MLLT3: variants seen among roughly 807,000 people sequenced by gnomAD.
The protein encoded by MLLT3 is MLLT3 super elongation complex subunit.
MLLT3 carries 4 observed loss-of-function variants against 53.2 expected under a neutral mutation model. The observed-to-expected ratio is 0.08, with a 90% CI of 0.04 to 0.17. The LOEUF is 0.17. MLLT3 is among the 10% of genes least tolerant of loss of function. The pLI is 1.00. For synonymous variants in MLLT3, 283 were observed against 230.6 expected (o/e 1.23, Z -2.06); for missense variants, 569 against 684.0 (o/e 0.83, Z 1.87).
chr9:20,369,745 C>T (rs1563939782), intron 5 of MLLT3, among the ~76,000 whole-genome samples: 1 of 152,258 alleles, frequency 6.6e-6, no homozygotes, highest in East Asian at 1.9e-4. Context: ...AAGAAGGTCA[C>T]TTGCTCTACA....
chr9:20,514,005 A>G (rs370128515), intron 2 of MLLT3, among the ~76,000 whole-genome samples: 2 of 152,166 alleles, frequency 1.3e-5, no homozygotes, highest in East Asian at 1.9e-4. Context: ...ATTCTGATGG[A>G]AAGTTGGAAG....
chr9:20,486,611 T>G (rs1382451252), intron 2 of MLLT3, among the ~76,000 whole-genome samples: 1 of 152,152 alleles, frequency 6.6e-6, no homozygotes, highest in Non-Finnish European at 1.5e-5. Flanking sequence ...AGCGAAAGTT[T>G]TTAAATAAGG....
chr9:20,527,060 T>A (rs915872025), intron 2 of MLLT3, among the ~76,000 whole-genome samples: 3 of 152,150 alleles, frequency 2.0e-5, no homozygotes, highest in Non-Finnish European at 4.4e-5. Context: ...TTTAATCTAT[T>A]TAGTATGAAC....
At chr9:20,600,067 T>C (rs910349321) in intron 2 of MLLT3, among the ~76,000 whole-genome samples, 7 of 151,854 alleles carry the variant, frequency 4.6e-5, no homozygotes, top group African/African-American at 9.7e-5. Context: ...TTCAGGATAA[T>C]TTTTTTAAAT....
At chr9:20,492,408 T>G (rs549509799) in intron 2 of MLLT3, among the ~76,000 whole-genome samples, 1 of 152,116 alleles carries the variant, frequency 6.6e-6, no homozygotes, top group East Asian at 1.9e-4. Context: ...GGATGTTCAT[T>G]TTATTATTTT....
chr9:20,357,089 G>T (rs1467138916), intron 8 of MLLT3, among the ~76,000 whole-genome samples: 1 of 152,184 alleles, frequency 6.6e-6, no homozygotes, highest in Non-Finnish European at 1.5e-5. Flanking sequence ...GAATAAAAAA[G>T]TACAACACCT....
At chr9:20,568,290 T>A (rs185842757) in intron 2 of MLLT3, among the ~76,000 whole-genome samples, 252 of 152,276 alleles carry the variant, frequency 1.7e-3, no homozygotes, top group Non-Finnish European at 3.2e-3. Flanking sequence ...GAGTACTGAA[T>A]ACACAGAGAA....
At chr9:20,484,827 A>G (rs1419533773) in intron 2 of MLLT3, among the ~76,000 whole-genome samples, 1 of 152,248 alleles carries the variant, frequency 6.6e-6, no homozygotes, top group East Asian at 1.9e-4. Context: ...GAACACAAGC[A>G]CATGAACCAG....
chr9:20,413,654 T>C (rs1822786585), intron 5 of MLLT3, 67 bp downstream of exon 5: 6 of 1,361,130 alleles, frequency 4.4e-6, no homozygotes. Flanking sequence ...TCATTCTTTA[T>C]TACAAAGCTA....
At chr9:20,561,644 C>A (rs1295510444) in intron 2 of MLLT3, among the ~76,000 whole-genome samples, 1 of 152,124 alleles carries the variant, frequency 6.6e-6, no homozygotes, top group African/African-American at 2.4e-5. Context: ...ATCCTTGACT[C>A]CAACAGACCT....
intron 2 of MLLT3, among the ~76,000 whole-genome samples, chr9:20,511,946 G>A (rs966976214): frequency 2.0e-5 from 3 of 152,088 alleles, no homozygotes; most frequent in Admixed American, 1.3e-4. Flanking sequence ...TGCATTACCA[G>A]TACAGAGTTC....
intron 2 of MLLT3, among the ~76,000 whole-genome samples, chr9:20,590,374 C>G (rs958803300): frequency 2.0e-5 from 3 of 152,170 alleles, no homozygotes; most frequent in Non-Finnish European, 2.9e-5. Context: ...GAATTGTAAT[C>G]CCTATGAATC....
chr9:20,404,249 G>A (rs1053497405), intron 5 of MLLT3, among the ~76,000 whole-genome samples: 1 of 152,192 alleles, frequency 6.6e-6, no homozygotes, highest in Non-Finnish European at 1.5e-5. Flanking sequence ...AACACATTCT[G>A]TGATCATGGA....
At chr9:20,515,903 G>C (rs1817900923) in intron 2 of MLLT3, among the ~76,000 whole-genome samples, 1 of 152,154 alleles carries the variant, frequency 6.6e-6, no homozygotes, top group African/African-American at 2.4e-5. Context: ...AGAAAATTGA[G>C]TCAATATATA....
At chr9:20,543,987 A>G (rs1218627121) in intron 2 of MLLT3, among the ~76,000 whole-genome samples, 1 of 152,240 alleles carries the variant, frequency 6.6e-6, no homozygotes, top group Non-Finnish European at 1.5e-5. Context: ...AAAACTGTGT[A>G]GTACTGTCCT....
chr9:20,456,886 G>T (rs747147544), intron 2 of MLLT3, 100 bp from the exon 3 acceptor site: 3 of 845,738 alleles, frequency 3.5e-6, no homozygotes, highest in Non-Finnish European at 1.8e-6. Flanking sequence ...TAGATCACAC[G>T]CAATTTTCAT....
intron 4 of MLLT3, among the ~76,000 whole-genome samples, chr9:20,435,026 T>C (rs1823367706): frequency 6.6e-6 from 1 of 152,060 alleles, no homozygotes; most frequent in South Asian, 2.1e-4. Flanking sequence ...AAAAAAATGT[T>C]GTTTTTGCCA....
chr9:20,415,074 T>C (rs1245480812), intron 4 of MLLT3, among the ~76,000 whole-genome samples: 1 of 152,154 alleles, frequency 6.6e-6, no homozygotes, highest in South Asian at 2.1e-4. Flanking sequence ...TCAGATTACA[T>C]TAAATTTCAA....
At chr9:20,516,102 A>C (rs1033249191) in intron 2 of MLLT3, among the ~76,000 whole-genome samples, 4 of 152,208 alleles carry the variant, frequency 2.6e-5, no homozygotes, top group African/African-American at 9.7e-5. Flanking sequence ...CAGCTCCAGG[A>C]GTCTGTGACT....
Sources: gnomAD v4.1 joint callset for allele counts (sites outside exome capture counted in the v4.1 genomes callset) on GRCh38, gnomAD v4.1.1 for gene constraint, MANE v1.5 for transcripts, NCBI Gene and HGNC (gene_info 2026-07-23, HGNC 2026-07-21) for gene names.